The following PCGF3 variants were observed in gnomAD, a reference collection of about 807,000 sequenced individuals.
PCGF3 encodes the protein polycomb group ring finger 3.
Under a neutral mutation model 33.1 loss-of-function variants are expected in PCGF3, and 7 were observed. That is an observed-to-expected ratio of 0.21 (90% confidence interval 0.12 to 0.40). PCGF3 has a LOEUF of 0.40. PCGF3 is among the 10% of genes least tolerant of loss of function. PCGF3 has a pLI of 1.00. For synonymous variants in PCGF3, 153 were observed against 121.3 expected, an observed-to-expected ratio of 1.26 and a Z score of -1.72; for missense variants, 211 against 313.3, an observed-to-expected ratio of 0.67 and a Z score of 2.46.
chr4:753,914 C>G (rs965564800), intron 8 of PCGF3, among the ~76,000 whole-genome samples: 1 of 152,188 alleles, frequency 6.6e-6, no homozygotes, highest in Non-Finnish European at 1.5e-5. Context: ...GCCTGGGTAA[C>G]AAGAGCGAGA....
intron 8 of PCGF3, among the ~76,000 whole-genome samples, chr4:760,856 C>G (rs1745015620): frequency 6.6e-6 from 1 of 152,252 alleles, no homozygotes; most frequent in African/African-American, 2.4e-5. Flanking sequence ...GCCTGTGGCC[C>G]TGCTCAAGGC....
intron 1 of PCGF3, among the ~76,000 whole-genome samples, chr4:725,819 C>G (rs1232283334): frequency 6.6e-6 from 1 of 152,154 alleles, no homozygotes; most frequent in Non-Finnish European, 1.5e-5. Context: ...CCTCAGCGCT[C>G]GTCCCCGGGT....
chr4:741,879 A>G (rs904375724), intron 6 of PCGF3, among the ~76,000 whole-genome samples: 18 of 152,084 alleles, frequency 1.2e-4, no homozygotes, highest in South Asian at 6.2e-4. Flanking sequence ...GCACGGACCT[A>G]TGTGGCCTGT....
At chr4:761,360 G>A in exon 9 of PCGF3, 1 of 1,612,396 alleles carries the variant, frequency 6.2e-7, no homozygotes, top group Non-Finnish European at 8.5e-7. Flanking sequence ...CCAGGCGACC[G>A]TCTTGCATCT....
intron 1 of PCGF3, among the ~76,000 whole-genome samples, chr4:709,614 G>A (rs916961966): frequency 6.6e-5 from 10 of 152,240 alleles, no homozygotes; most frequent in Admixed American, 1.3e-4. Flanking sequence ...ACATCCCCTC[G>A]GATTAGGCGT....
At chr4:737,472 C>T (rs752573374) in exon 6 of PCGF3, 66 of 1,606,874 alleles carry the variant, frequency 4.1e-5, no homozygotes, top group African/African-American at 8.0e-5. Flanking sequence ...CCAGTCATGA[C>T]AGAACCATGC....
chr4:712,724 G>A (rs1742628683), intron 1 of PCGF3, among the ~76,000 whole-genome samples: 1 of 152,248 alleles, frequency 6.6e-6, no homozygotes. Context: ...GGGATTACAG[G>A]CGTGAGCCAC....
rs1743045096 is a variant in PCGF3, at chr4:720,756, C to G, written c.-189-9874C>G. Reference sequence around the variant, plus strand: ...CGTGTGGACCCGGCGTGGACGCAGCCCCGACGTGAATGGATGTGGTTCCGA... The same window carrying G: ...CGTGTGGACCCGGCGTGGACGCAGCGCCGACGTGAATGGATGTGGTTCCGA... On this transcript the variant is annotated intron_variant, in intron 1 of 10. Coordinates refer to ENST00000362003, the Ensembl canonical transcript of PCGF3. This position sits in a 1 kb window ranked among gnomAD's most constrained non-coding sequence, Gnocchi z 5.6. 6.6e-6 allele frequency among the ~76,000 whole-genome samples: 1 copy of G among 151,840 alleles called. No homozygotes were observed. Among genetic ancestry groups the G allele is most frequent in the South Asian group, 2.1e-4 (1 of 4,806 alleles).
intron 8 of PCGF3, among the ~76,000 whole-genome samples, chr4:760,142 G>A (rs1252814594): frequency 2.0e-5 from 3 of 152,254 alleles, no homozygotes; most frequent in African/African-American, 7.2e-5. Context: ...TGTGCTCAGT[G>A]ACTGCACCGT....
At chr4:769,544 G>C (rs557166963) in exon 11 of PCGF3, 2 of 152,804 alleles carry the variant, frequency 1.3e-5, no homozygotes, top group African/African-American at 4.8e-5. Flanking sequence ...GAGATAAGTA[G>C]ATTAGAAAAT....
intron 5 of PCGF3, among the ~76,000 whole-genome samples, chr4:736,306 C>T (rs1400385750): frequency 6.6e-6 from 1 of 152,170 alleles, no homozygotes; most frequent in Non-Finnish European, 1.5e-5. Flanking sequence ...CCTCAGTCTC[C>T]CCAAATGCTA....
chr4:741,880 T>G (rs144832330), intron 6 of PCGF3, among the ~76,000 whole-genome samples: 1 of 152,204 alleles, frequency 6.6e-6, no homozygotes. Flanking sequence ...CACGGACCTA[T>G]GTGGCCTGTT....
rs1379251148 is a variant in PCGF3, at chr4:736,478, T to A, written c.207-988T>A. ...GCAGGGACAGTGTCCCCTGAGCGCA[T>A]AGGATGCAGGGAACCCGGGGTGTCC... On this transcript the variant is annotated intron_variant, in intron 5 of 10. Coordinates refer to ENST00000362003, the Ensembl canonical transcript of PCGF3. Among the ~76,000 whole-genome samples, 15 of 125,194 alleles carry A rather than the reference T, an allele frequency of 1.2e-4. 6 individuals carry two copies. The highest frequency in any genetic ancestry group is 1.1e-3 in the South Asian group (4 of 3,642). The allele number at this position is 125,194 out of a possible 152,430, so 82.1% of individuals were successfully genotyped here.
At chr4:760,441 TGTTA>T (rs1484981464) in intron 8 of PCGF3, among the ~76,000 whole-genome samples, 3 of 150,610 alleles carry the variant, frequency 2.0e-5, no homozygotes, top group Admixed American at 2.0e-4. Flanking sequence ...TCCACTGAGA[TGTTA>T]GTTTCCGTGA....
chr4:766,173 AC>A, exon 11 of PCGF3: 2 of 972,116 alleles, frequency 2.1e-6, no homozygotes, highest in Non-Finnish European at 3.3e-6. Context: ...TGTCATGTGG[AC>A]CAGACTTCTG....
chr4:714,006 G>A (rs1164592826), intron 1 of PCGF3, among the ~76,000 whole-genome samples: 1 of 152,184 alleles, frequency 6.6e-6, no homozygotes, highest in Non-Finnish European at 1.5e-5. Context: ...TGGTCCGAAC[G>A]TCTGTGTCCC....
At chr4:761,676 A>C (rs145471073) in intron 9 of PCGF3, 1 of 985,364 alleles carries the variant, frequency 1.0e-6, no homozygotes, top group East Asian at 1.1e-4. Flanking sequence ...ACTGTTTTAA[A>C]ATAGGATAAA....
At chr4:754,054 G>T (rs1744656416) in intron 8 of PCGF3, among the ~76,000 whole-genome samples, 1 of 152,210 alleles carries the variant, frequency 6.6e-6, no homozygotes, top group Non-Finnish European at 1.5e-5. Context: ...CACAGACCCA[G>T]TGGGACTGCA....
chr4:708,787 G>T (rs1289604891), intron 1 of PCGF3, among the ~76,000 whole-genome samples: 2 of 152,166 alleles, frequency 1.3e-5, no homozygotes, highest in Non-Finnish European at 2.9e-5. Context: ...TTGGAGGAGG[G>T]GTGGGGTCTG....
Sources: allele counts gnomAD v4.1 joint callset (sites outside exome capture counted in the v4.1 genomes callset), GRCh38; gene constraint gnomAD v4.1.1; non-coding constraint Gnocchi (gnomAD v3.1); transcripts MANE v1.5; gene names NCBI Gene and HGNC (gene_info 2026-07-23, HGNC 2026-07-21).